The following COL5A2 variants were observed in gnomAD, a reference collection of about 807,000 sequenced individuals.
COL5A2 encodes the protein collagen type V alpha 2 chain.
Under a neutral mutation model 208.2 loss-of-function variants are expected in COL5A2, and 23 were observed. That is an observed-to-expected ratio of 0.11 (90% confidence interval 0.08 to 0.16). The LOEUF is 0.16. COL5A2 is among the 10% of genes least tolerant of loss of function. COL5A2 has a pLI of 1.00. For synonymous variants in COL5A2, 625 were observed against 628.5 expected (o/e 0.99, Z 0.08); for missense variants, 1,590 against 1,956.4 (o/e 0.81, Z 3.53).
chr2:189,350,537 T>G, the COL5A2 span, among the ~76,000 whole-genome samples: 1 of 152,084 alleles, frequency 6.6e-6, no homozygotes, highest in East Asian at 1.9e-4. Flanking sequence ...CATTCCAAGG[T>G]GTGAAGGCCC....
rs780540625 is a variant in COL5A2 at position 189,049,323 on chromosome 2, A to G, written c.3147+24T>C. 7.4e-6 allele frequency: 11 copies of G among 1,481,194 alleles called. No individual in the cohort carries two copies. The Middle Eastern group carries it at 5.2e-4, about 69-fold the overall frequency. 91.8% of individuals were successfully genotyped at this position (1,481,194 alleles called of 1,614,324 possible). The stretch of plus-strand genomic sequence containing the variant: ...CCATGACACCAGATAACAAGAGAAG[A>G]GTTATTTTCACTGTAGTACTCACTT... On this transcript the variant is annotated intron_variant, in intron 44 of 53. Coordinates refer to ENST00000374866, the MANE Select transcript of COL5A2 (RefSeq NM_000393.5).
At chr2:189,144,481 G>T (rs1481564882) in intron 1 of COL5A2, among the ~76,000 whole-genome samples, 1 of 148,966 alleles carries the variant, frequency 6.7e-6, no homozygotes, top group African/African-American at 2.4e-5. Context: ...CAGTATCCTT[G>T]TTGTACCCAT....
chr2:189,142,218 T>C (rs1220080014), intron 1 of COL5A2, among the ~76,000 whole-genome samples: 1 of 152,080 alleles, frequency 6.6e-6, no homozygotes, highest in Non-Finnish European at 1.5e-5. Context: ...AAAACAAGAT[T>C]ACTCTTCGAA....
chr2:189,138,320 C>T (rs1576550247), intron 1 of COL5A2, among the ~76,000 whole-genome samples: 1 of 152,046 alleles, frequency 6.6e-6, no homozygotes, highest in East Asian at 1.9e-4. Flanking sequence ...TAGCTCTACC[C>T]TTATCTTACT....
intron 1 of COL5A2, among the ~76,000 whole-genome samples, chr2:189,219,931 G>A (rs1046257443): frequency 1.3e-5 from 2 of 151,998 alleles, no homozygotes; most frequent in Admixed American, 6.6e-5. Context: ...CTGTCATCGT[G>A]AAATTCTTAA....
chr2:189,179,963 G>A (rs780208711), upstream of COL5A2: 2 of 470,422 alleles, frequency 4.3e-6, no homozygotes, highest in Non-Finnish European at 7.5e-6. Flanking sequence ...AGCATAGATG[G>A]GGCTTAATAA....
intron 21 of COL5A2, 66 bp downstream of exon 21, chr2:189,067,949 G>T: frequency 1.6e-6 from 2 of 1,268,608 alleles, no homozygotes; most frequent in Non-Finnish European, 2.3e-6. Context: ...CACATGACAT[G>T]TTATTACTCT....
the COL5A2 span, among the ~76,000 whole-genome samples, chr2:189,268,563 G>A: frequency 0.88 from 133,153 of 152,090 alleles, 58,791 homozygotes; most frequent in East Asian, 0.99. Context: ...TGCTGCTAAT[G>A]AATAGTTAAA....
At chr2:189,238,264 C>A in the COL5A2 span, among the ~76,000 whole-genome samples, 1 of 152,016 alleles carries the variant, frequency 6.6e-6, no homozygotes, top group African/African-American at 2.4e-5. Flanking sequence ...AGGACATCTC[C>A]AAAGAGATCC....
Position 189,050,668 on chromosome 2 carries a change from A to G in COL5A2, c.2940T>C (p.Asp980=), listed in dbSNP as rs1685766903. Residue 980 remains aspartate, a synonymous_variant, in exon 43 of 54, where the codon GAT becomes GAC. Transcript: ENST00000374866. The part of the protein sequence containing the change: ...DPGEDGQPGP[D]GPPGPAGTTG... Reference sequence around the variant, plus strand: ...TCGTTCCAGCTGGACCAGGGGGGCCATCTGGACCCTAATGTTGAGGACAAA... The same window carrying G: ...TCGTTCCAGCTGGACCAGGGGGGCCGTCTGGACCCTAATGTTGAGGACAAA... 3 of 1,551,540 alleles carry G rather than the reference A, an allele frequency of 1.9e-6. No homozygotes were observed. In the African/African-American group the frequency reaches 4.1e-5, roughly 21 times the overall value.
At chr2:189,346,419 G>T in the COL5A2 span, among the ~76,000 whole-genome samples, 2 of 151,994 alleles carry the variant, frequency 1.3e-5, no homozygotes, top group South Asian at 4.1e-4. Flanking sequence ...TTTTGCTTTG[G>T]TGACATTTGG....
intron 26 of COL5A2, 23 bp from the exon 27 acceptor site, chr2:189,063,293 G>T (rs1686076365): frequency 1.9e-6 from 3 of 1,592,166 alleles, no homozygotes; most frequent in East Asian, 4.5e-5. Flanking sequence ...CAGGAGCCAT[G>T]TAAGTTTCAT....
At chr2:189,257,197 C>T in the COL5A2 span, among the ~76,000 whole-genome samples, 1 of 152,252 alleles carries the variant, frequency 6.6e-6, no homozygotes, top group African/African-American at 2.4e-5. Context: ...ATATGAGAGC[C>T]AATTTACCCC....
chr2:189,180,186 A>G (rs954712078), upstream of COL5A2, among the ~76,000 whole-genome samples: 2 of 152,008 alleles, frequency 1.3e-5, no homozygotes, highest in African/African-American at 4.8e-5. Context: ...TCCACCTTAA[A>G]TCTTTAAACA....
the COL5A2 span, among the ~76,000 whole-genome samples, chr2:189,311,039 C>T: frequency 6.6e-6 from 1 of 152,000 alleles, no homozygotes; most frequent in African/African-American, 2.4e-5. Flanking sequence ...CTGTAAAGCA[C>T]CATGCAAGTG....
chr2:189,161,877 A>G (rs1469711216), intron 1 of COL5A2, among the ~76,000 whole-genome samples: 1 of 152,244 alleles, frequency 6.6e-6, no homozygotes, highest in Non-Finnish European at 1.5e-5. Flanking sequence ...AGGAAGTGCT[A>G]CCTTTTAGAG....
the COL5A2 span, among the ~76,000 whole-genome samples, chr2:189,276,739 T>G: frequency 6.6e-6 from 1 of 152,074 alleles, no homozygotes; most frequent in East Asian, 1.9e-4. Flanking sequence ...GAACTTAGAT[T>G]TAATATATTT....
chr2:189,292,214 CTTA>C, the COL5A2 span, among the ~76,000 whole-genome samples: 1 of 152,080 alleles, frequency 6.6e-6, no homozygotes, highest in African/African-American at 2.4e-5. Context: ...AAGACCGCAG[CTTA>C]TTAATTGATA....
At chr2:189,126,302 T>C (rs1301934878) in intron 1 of COL5A2, among the ~76,000 whole-genome samples, 2 of 152,040 alleles carry the variant, frequency 1.3e-5, no homozygotes, top group East Asian at 3.8e-4. Context: ...TTTTGTGTAA[T>C]GAGAAGAGTT....
Sources: gnomAD v4.1 joint callset for allele counts (sites outside exome capture counted in the v4.1 genomes callset) on GRCh38, gnomAD v4.1.1 for gene constraint, MANE v1.5 for transcripts, NCBI Gene and HGNC (gene_info 2026-07-23, HGNC 2026-07-21) for gene names.